Variants in IGSF11 observed in about 807,000 individuals in gnomAD.
IGSF11 encodes the protein CXADR like 1.
Under a neutral mutation model 41.0 loss-of-function variants are expected in IGSF11, and 22 were observed. That is an observed-to-expected ratio of 0.54 (90% CI 0.38 to 0.77). The LOEUF (loss-of-function observed/expected upper bound fraction) is 0.77. Ranked by LOEUF, IGSF11 falls within the 30% of genes least tolerant of loss-of-function variation. IGSF11 has a pLI of 0.00. For synonymous variants in IGSF11, 219 were observed against 201.3 expected, an observed-to-expected ratio of 1.09 and a Z score of -0.74; for missense variants, 444 against 530.8, an observed-to-expected ratio of 0.84 and a Z score of 1.61.
intron 1 of IGSF11, among the ~76,000 whole-genome samples, chr3:119,092,186 G>A (rs115663645): frequency 0.014 from 2,057 of 152,084 alleles, 22 homozygotes; most frequent in Non-Finnish European, 0.021. Context: ...GTTCGCGCTT[G>A]AAGCTAAGTG....
At chr3:119,066,380 T>G (rs1032754542) in intron 1 of IGSF11, among the ~76,000 whole-genome samples, 2 of 152,244 alleles carry the variant, frequency 1.3e-5, no homozygotes, top group African/African-American at 2.4e-5. Flanking sequence ...ATTTATAGTT[T>G]GCTGTGATTT....
intron 1 of IGSF11, among the ~76,000 whole-genome samples, chr3:119,098,524 G>C (rs2076891841): frequency 6.6e-6 from 1 of 152,118 alleles, no homozygotes; most frequent in Admixed American, 6.5e-5. Flanking sequence ...ACAGCATAGT[G>C]CCTAGCACAA....
intron 1 of IGSF11, among the ~76,000 whole-genome samples, chr3:118,961,860 C>T (rs944627038): frequency 6.6e-6 from 1 of 152,164 alleles, no homozygotes; most frequent in Admixed American, 6.5e-5. Context: ...CCAATAATTG[C>T]CATGGTTACT....
At chr3:119,093,954 C>G (rs2076805528) in intron 1 of IGSF11, among the ~76,000 whole-genome samples, 1 of 151,684 alleles carries the variant, frequency 6.6e-6, no homozygotes, top group Admixed American at 6.6e-5. Flanking sequence ...GGGAGAAATC[C>G]AATTAAGATC....
chr3:119,059,448 T>G (rs1941983856), intron 1 of IGSF11, among the ~76,000 whole-genome samples: 1 of 152,076 alleles, frequency 6.6e-6, no homozygotes, highest in Non-Finnish European at 1.5e-5. Flanking sequence ...AAGTACACAT[T>G]GGGTTCAGTG....
At chr3:118,935,337 T>G (rs952161183) in intron 1 of IGSF11, among the ~76,000 whole-genome samples, 3 of 140,294 alleles carry the variant, frequency 2.1e-5, no homozygotes, top group Admixed American at 7.2e-5. Flanking sequence ...CACCCTGAGA[T>G]ATATATATAT....
At chr3:119,120,518 C>T (rs1413121155) in intron 1 of IGSF11, among the ~76,000 whole-genome samples, 1 of 152,208 alleles carries the variant, frequency 6.6e-6, no homozygotes, top group African/African-American at 2.4e-5. Context: ...AAGAAAAGGT[C>T]TCTGGTTTGC....
intron 3 of IGSF11, among the ~76,000 whole-genome samples, chr3:118,927,183 A>C (rs1356207250): frequency 6.6e-6 from 1 of 152,178 alleles, no homozygotes; most frequent in Non-Finnish European, 1.5e-5. Context: ...CGGTGGGGCA[A>C]ACTAATCTTT....
rs1225914087 is a variant in IGSF11, at chr3:119,001,939, C to T, written c.52+32592G>A. Among the ~76,000 whole-genome samples, 3 of 136,678 alleles carry T rather than the reference C, an allele frequency of 2.2e-5. No homozygotes were observed. The Admixed American group carries it at 2.2e-4, about 10-fold the overall frequency. 89.7% of individuals were successfully genotyped at this position (136,678 alleles called of 152,430 possible). ...TAATGCCGCAATAAACATAAGTGTG[C>T]ATGTGTCTTTATAGCAGCATGATTT... On this transcript the variant is annotated intron_variant, in intron 1 of 6. Coordinates refer to ENST00000393775, the MANE Select transcript of IGSF11 (RefSeq NM_001015887.3).
chr3:119,144,360 C>G (rs1301161665), intron 1 of IGSF11, among the ~76,000 whole-genome samples: 1 of 152,204 alleles, frequency 6.6e-6, no homozygotes, highest in Non-Finnish European at 1.5e-5. Context: ...AATACACATT[C>G]TTTCCATGGA....
At chr3:119,085,577 T>C (rs2076658041) in intron 1 of IGSF11, among the ~76,000 whole-genome samples, 1 of 152,204 alleles carries the variant, frequency 6.6e-6, no homozygotes, top group African/African-American at 2.4e-5. Context: ...ATTCAGAATC[T>C]GAATGGCAAG....
At chr3:119,051,250 C>A (rs563957169) in intron 1 of IGSF11, among the ~76,000 whole-genome samples, 1 of 151,538 alleles carries the variant, frequency 6.6e-6, no homozygotes, top group Non-Finnish European at 1.5e-5. Flanking sequence ...TATGGGCTCA[C>A]ATAAACTTAA....
intron 1 of IGSF11, among the ~76,000 whole-genome samples, chr3:119,048,508 G>C (rs1049594825): frequency 7.2e-5 from 11 of 152,156 alleles, no homozygotes; most frequent in Non-Finnish European, 1.5e-4. Context: ...ATAATGAATA[G>C]CTTACCAACC....
rs746381713 is a variant in IGSF11 at position 119,034,535 on chromosome 3, CAG to C, written c.46_47del (p.Leu16AlafsTer38). ...SPLAPLLLLS[L>X]HGVAASLEVS... Reference sequence around the variant, plus strand: ...GAAAGGGCTGGAGCTACTCACCGTGCAGAGAGAGGAGCAGCAAAGGCGCCAGA... The same window carrying C: ...GAAAGGGCTGGAGCTACTCACCGTGCAGAGAGGAGCAGCAAAGGCGCCAGA... On this transcript the variant is annotated frameshift_variant, in exon 1 of 7. Transcript: ENST00000393775. LOFTEE classifies it high-confidence loss of function. 6.9e-6 allele frequency: 11 copies of C among 1,586,564 alleles called. No individual in the cohort carries two copies. Among genetic ancestry groups the C allele is most frequent in the African/African-American group, 1.4e-5 (1 of 73,150 alleles).
At chr3:118,953,845 G>A (rs1467562068) in intron 1 of IGSF11, among the ~76,000 whole-genome samples, 1 of 152,114 alleles carries the variant, frequency 6.6e-6, no homozygotes, top group African/African-American at 2.4e-5. Flanking sequence ...TTCCCACTCT[G>A]TGGGTTGTCA....
intron 1 of IGSF11, among the ~76,000 whole-genome samples, chr3:119,052,317 T>G (rs1941657379): frequency 6.6e-6 from 1 of 151,906 alleles, no homozygotes; most frequent in Non-Finnish European, 1.5e-5. Context: ...CTGTCTCTAC[T>G]AAGACTACAA....
intron 1 of IGSF11, among the ~76,000 whole-genome samples, chr3:119,025,358 T>C (rs1347122449): frequency 3.3e-5 from 5 of 151,980 alleles, no homozygotes; most frequent in Admixed American, 2.0e-4. Context: ...TGATATGCCC[T>C]AGGCCACAGC....
intron 1 of IGSF11, among the ~76,000 whole-genome samples, chr3:119,031,633 G>T (rs1016030120): frequency 2.0e-5 from 3 of 152,124 alleles, no homozygotes. Context: ...TAAGTGCTTG[G>T]TAATTTAATA....
intron 1 of IGSF11, among the ~76,000 whole-genome samples, chr3:119,070,850 T>C (rs952376825): frequency 3.3e-5 from 5 of 152,154 alleles, no homozygotes; most frequent in South Asian, 2.1e-4. Context: ...AGGAAGTATA[T>C]TCATGACAGG....
Sources: allele counts gnomAD v4.1 joint callset (sites outside exome capture counted in the v4.1 genomes callset), GRCh38; gene constraint gnomAD v4.1.1; transcripts MANE v1.5; gene names NCBI Gene and HGNC (gene_info 2026-07-23, HGNC 2026-07-21).